Variants in GRM5 observed in about 807,000 individuals in gnomAD.
The protein encoded by GRM5 is glutamate metabotropic receptor 5.
A neutral mutation model predicts 83.1 loss-of-function variants in GRM5; 19 were observed. The ratio of observed to expected loss-of-function variants is 0.23; its 90% confidence interval spans 0.16 to 0.34. The LOEUF is 0.34. GRM5 is among the 10% of genes least tolerant of loss of function. GRM5 has a pLI of 1.00. For synonymous variants in GRM5, 675 were observed against 633.6 expected, an observed-to-expected ratio of 1.07 and a Z score of -0.98; for missense variants, 1,160 against 1,588.3, an observed-to-expected ratio of 0.73 and a Z score of 4.58.
rs190398037 is a variant in GRM5 at position 88,847,301 on chromosome 11, T to G, written c.911+2605A>C. Among the ~76,000 whole-genome samples the G allele has an allele frequency of 3.0e-3, 461 of 152,308 alleles. 2 individuals carry two copies. Among genetic ancestry groups the G allele is most frequent in the Non-Finnish European group, 3.8e-3 (260 of 68,008 alleles). ...GTATCATAAGGGCAATAATTATTGT[T>G]TTTTTGCTCATTGATTTATTTCAAG... On this transcript the variant is annotated intron_variant, in intron 3 of 9. Transcript: ENST00000305447.
intron 2 of GRM5, among the ~76,000 whole-genome samples, chr11:89,024,732 G>GA (rs535773733): frequency 2.6e-5 from 4 of 151,992 alleles, no homozygotes; most frequent in African/African-American, 4.8e-5. Flanking sequence ...TGTATTACTG[G>GA]AAAAAACAAA....
rs1286513980 is a variant in GRM5, at chr11:88,775,443, G to A, written c.911+74463C>T. On this transcript the variant is annotated intron_variant, in intron 3 of 9. Coordinates refer to ENST00000305447, the MANE Select transcript of GRM5 (RefSeq NM_001143831.3). The stretch of plus-strand genomic sequence containing the variant: ...TTTTTTTGCGTGTCTATCTCCTTCA[G>A]TTCTGCTCTGATCTTAGTTATTTCT... 2.6e-5 allele frequency among the ~76,000 whole-genome samples: 4 copies of A among 152,066 alleles called. No individual in the cohort carries two copies. The East Asian group carries it at 7.7e-4, about 29-fold the overall frequency.
intron 4 of GRM5, among the ~76,000 whole-genome samples, chr11:88,644,362 A>G (rs1302504529): frequency 6.6e-6 from 1 of 152,182 alleles, no homozygotes; most frequent in Non-Finnish European, 1.5e-5. Flanking sequence ...TTATCTAACA[A>G]CATTTATAAA....
intron 2 of GRM5, among the ~76,000 whole-genome samples, chr11:88,995,448 G>A (rs566332637): frequency 1.3e-5 from 2 of 150,118 alleles, no homozygotes; most frequent in Non-Finnish European, 2.9e-5. Flanking sequence ...GGGAGGCCGA[G>A]GCAGAAGAAT....
At chr11:88,787,183 C>T (rs1313779203) in intron 3 of GRM5, among the ~76,000 whole-genome samples, 1 of 144,810 alleles carries the variant, frequency 6.9e-6, no homozygotes, top group East Asian at 2.0e-4. Flanking sequence ...GTCTTTTAAA[C>T]CAGGACAATC....
chr11:88,554,582 G>A (rs1467955449), intron 8 of GRM5, among the ~76,000 whole-genome samples: 1 of 152,164 alleles, frequency 6.6e-6, no homozygotes, highest in Non-Finnish European at 1.5e-5. Context: ...TCTACATGAT[G>A]ATGCTGAGAT....
chr11:88,704,939 C>G (rs865915667), intron 3 of GRM5, among the ~76,000 whole-genome samples: 1 of 152,030 alleles, frequency 6.6e-6, no homozygotes, highest in African/African-American at 2.4e-5. Context: ...AACTCTCCCT[C>G]TACCTCTTTT....
intron 2 of GRM5, among the ~76,000 whole-genome samples, chr11:88,940,157 G>A (rs1185481806): frequency 1.3e-5 from 2 of 151,918 alleles, no homozygotes; most frequent in Non-Finnish European, 2.9e-5. Flanking sequence ...TCTTCTATTA[G>A]TGCCCAGGCC....
intron 2 of GRM5, among the ~76,000 whole-genome samples, chr11:88,861,822 C>T (rs1468121692): frequency 6.6e-6 from 1 of 152,064 alleles, no homozygotes; most frequent in Middle Eastern, 3.2e-3. Context: ...GCTGTCATTG[C>T]TCAACTCCCC....
At chr11:88,725,314 G>A (rs538214895) in intron 3 of GRM5, among the ~76,000 whole-genome samples, 1 of 152,308 alleles carries the variant, frequency 6.6e-6, no homozygotes, top group African/African-American at 2.4e-5. Context: ...CAAAGCTGCT[G>A]TAGCCAGACT....
In GRM5 at chr11:88,509,318, A is replaced by G. The variant is rs767245309; in HGVS notation, c.2913T>C (p.Ala971=). The change falls in exon 10 of 10, where the codon GCT becomes GCC. Residue 971 remains alanine (A), a synonymous_variant. Transcript: ENST00000305447. ...LGAGAGAGGS[A]GGVGATGGAG... ...CACCGCCCGTGGCCCCCACGCCCCC[A>G]GCGCTCCCGCCTGCGCCAGCGCCAG... 1.3e-6 allele frequency: 2 copies of G among 1,585,530 alleles called. No individual in the cohort carries two copies. The highest frequency in any genetic ancestry group is 2.4e-5 in the East Asian group (1 of 41,870).
chr11:88,756,885 C>G (rs1942405352), intron 3 of GRM5, among the ~76,000 whole-genome samples: 2 of 152,038 alleles, frequency 1.3e-5, no homozygotes, highest in Non-Finnish European at 2.9e-5. Flanking sequence ...GAACAAATGG[C>G]TGAAAACTTC....
At chr11:88,962,327 G>A (rs1019780482) in intron 2 of GRM5, among the ~76,000 whole-genome samples, 5 of 151,938 alleles carry the variant, frequency 3.3e-5, no homozygotes, top group African/African-American at 1.2e-4. Context: ...TTATATTCAC[G>A]TAGCCATTCT....
At chr11:88,687,588 AT>A (rs1446219986) in intron 3 of GRM5, among the ~76,000 whole-genome samples, 1 of 81,552 alleles carries the variant, frequency 1.2e-5, no homozygotes, top group Non-Finnish European at 2.1e-5. Context: ...TAATATATAT[AT>A]ATATATATTC....
chr11:88,947,596 C>A (rs772931870), intron 2 of GRM5, among the ~76,000 whole-genome samples: 12 of 151,960 alleles, frequency 7.9e-5, no homozygotes, highest in East Asian at 1.9e-4. Flanking sequence ...TATTCAAACA[C>A]CATCTCTGGC....
chr11:88,721,703 C>T (rs1290742652), intron 3 of GRM5, among the ~76,000 whole-genome samples: 1 of 152,094 alleles, frequency 6.6e-6, no homozygotes, highest in Non-Finnish European at 1.5e-5. Flanking sequence ...AAGTGAAAAA[C>T]ATCCTATCTA....
chr11:88,903,620 T>C (rs1375987801), intron 2 of GRM5, among the ~76,000 whole-genome samples: 1 of 152,154 alleles, frequency 6.6e-6, no homozygotes, highest in African/African-American at 2.4e-5. Flanking sequence ...CAGGAGGCCA[T>C]TATCTTAAGT....
chr11:88,552,068 A>G (rs1427535293), intron 8 of GRM5, among the ~76,000 whole-genome samples: 1 of 148,776 alleles, frequency 6.7e-6, no homozygotes, highest in Admixed American at 6.7e-5. Context: ...TTTGTTGCCC[A>G]GGCTGGAGTG....
chr11:88,509,126 C>A lies in GRM5; in HGVS notation c.3105G>T (p.Thr1035=). 2 of 1,543,756 alleles carry A rather than the reference C, an allele frequency of 1.3e-6. No homozygotes were observed. Among genetic ancestry groups the A allele is most frequent in the Non-Finnish European group, 1.7e-6 (2 of 1,145,114 alleles). ...AGTGCAGCGACGGCACATCGTCGTC[C>A]GTGCGGCTGGCCGAGCCCGCGCGGT... ...LSHRAGSASR[T]DDDVPSLHSE... The change falls in exon 10 of 10, where the codon ACG becomes ACT. Residue 1035 remains threonine, a synonymous_variant. Coordinates refer to ENST00000305447, the MANE Select transcript of GRM5 (RefSeq NM_001143831.3).
Sources: allele counts gnomAD v4.1 joint callset (sites outside exome capture counted in the v4.1 genomes callset), GRCh38; gene constraint gnomAD v4.1.1; transcripts MANE v1.5; gene names NCBI Gene and HGNC (gene_info 2026-07-23, HGNC 2026-07-21).